PTPRN2: variants seen among roughly 807,000 people sequenced by gnomAD.
PTPRN2 encodes protein tyrosine phosphatase receptor type N2.
A neutral mutation model predicts 118.8 loss-of-function variants in PTPRN2; 74 were observed. The ratio of observed to expected loss-of-function variants is 0.62; its 90% CI spans 0.52 to 0.76. The LOEUF (loss-of-function observed/expected upper bound fraction) is 0.76, where lower values mean the gene tolerates loss of function less well. Ranked by LOEUF, PTPRN2 falls within the 30% of genes least tolerant of loss-of-function variation. The pLI is 0.00. For missense variants in PTPRN2, 1,481 were observed against 1,394.4 expected, an observed-to-expected ratio of 1.06 and a Z score of -0.99; for synonymous variants, 641 against 608.0, an observed-to-expected ratio of 1.05 and a Z score of -0.80.
At chr7:157,963,054 C>T (rs28453947) in intron 11 of PTPRN2, among the ~76,000 whole-genome samples, 1,743 of 152,302 alleles carry the variant, frequency 0.011, 29 homozygotes, top group African/African-American at 0.036. Flanking sequence ...AGAAGCAAGT[C>T]CACACGGCAG....
intron 3 of PTPRN2, among the ~76,000 whole-genome samples, chr7:158,212,464 T>G (rs1827668199): frequency 6.6e-6 from 1 of 152,176 alleles, no homozygotes; most frequent in African/African-American, 2.4e-5. Flanking sequence ...TTATTATGCA[T>G]TGTATGCCTG....
intron 12 of PTPRN2, among the ~76,000 whole-genome samples, chr7:157,776,124 C>G (rs180905075): frequency 6.9e-6 from 1 of 145,832 alleles, no homozygotes; most frequent in Non-Finnish European, 1.5e-5. Context: ...CCTTTTTCAC[C>G]TCCTCCCTCT....
At chr7:157,940,876 A>T (rs1298627326) in intron 11 of PTPRN2, among the ~76,000 whole-genome samples, 1 of 47,170 alleles carries the variant, frequency 2.1e-5, no homozygotes, top group Non-Finnish European at 3.2e-5. Context: ...TGCAAATCTA[A>T]CGCCCCCCCA....
intron 12 of PTPRN2, among the ~76,000 whole-genome samples, chr7:157,866,612 A>G (rs757797630): frequency 6.6e-6 from 1 of 152,002 alleles, no homozygotes; most frequent in African/African-American, 2.4e-5. Context: ...GCTGGTGTGC[A>G]TTCTCCCAGG....
intron 1 of PTPRN2, among the ~76,000 whole-genome samples, chr7:158,491,386 G>A (rs985733248): frequency 2.6e-5 from 4 of 152,204 alleles, no homozygotes; most frequent in South Asian, 2.1e-4. Context: ...AGTCACAGGC[G>A]GGTGGACACC....
chr7:158,055,516 C>T (rs1809718766), intron 11 of PTPRN2, among the ~76,000 whole-genome samples: 1 of 152,230 alleles, frequency 6.6e-6, no homozygotes, highest in Non-Finnish European at 1.5e-5. Context: ...AACCGTCTCC[C>T]TGTGATGCTG....
rs927623299 is a variant in PTPRN2 at position 158,438,790 on chromosome 7, C to T, written c.163+50945G>A. On this transcript the variant is annotated intron_variant, in intron 2 of 22. Coordinates refer to ENST00000389418, the MANE Select transcript of PTPRN2 (RefSeq NM_002847.5). This position sits in a 1 kb window ranked among gnomAD's most constrained non-coding sequence, Gnocchi z 4.7. ...ACACTCTGACCAGGGGTCAGCAAAC[C>T]AGAGCCCCGGGACCTACCCCACCTG... Among the ~76,000 whole-genome samples, 2 of 152,156 alleles carry T rather than the reference C, an allele frequency of 1.3e-5. No individual in the cohort carries two copies. Among genetic ancestry groups the T allele is most frequent in the Non-Finnish European group, 2.9e-5 (2 of 68,020 alleles).
chr7:158,147,766 C>T (rs1820312498), intron 6 of PTPRN2, among the ~76,000 whole-genome samples: 3 of 121,040 alleles, frequency 2.5e-5, no homozygotes, highest in Non-Finnish European at 5.0e-5. Context: ...CACCCCACCT[C>T]ACGCCACGTG....
intron 12 of PTPRN2, among the ~76,000 whole-genome samples, chr7:157,685,197 C>A (rs904725279): frequency 5.1e-4 from 77 of 151,892 alleles, no homozygotes; most frequent in African/African-American, 1.8e-3. Flanking sequence ...CACCCCTCAT[C>A]CCGGCCGGGC....
chr7:158,131,838 A>AACAC (rs140758625), intron 9 of PTPRN2, among the ~76,000 whole-genome samples: 1,710 of 147,858 alleles, frequency 0.012, 31 homozygotes, highest in African/African-American at 0.033. Flanking sequence ...ACATCTACCC[A>AACAC]ACACACACAC....
At chr7:158,558,923 T>C in intron 1 of PTPRN2, among the ~76,000 whole-genome samples, 1 of 152,082 alleles carries the variant, frequency 6.6e-6, no homozygotes, top group East Asian at 1.9e-4. Flanking sequence ...CAGGGGTTAA[T>C]TATGACTGTA....
chr7:158,245,694 C>T (rs1796201801), intron 3 of PTPRN2, among the ~76,000 whole-genome samples: 1 of 152,138 alleles, frequency 6.6e-6, no homozygotes, highest in Admixed American at 6.5e-5. Flanking sequence ...GCCTTCTAGG[C>T]CCCTCTGGCA....
chr7:157,599,871 G>C (rs1010801239), intron 16 of PTPRN2, among the ~76,000 whole-genome samples: 2 of 149,604 alleles, frequency 1.3e-5, no homozygotes, highest in African/African-American at 4.9e-5. Flanking sequence ...CTCTCCACCT[G>C]CCCACCTCTC....
At chr7:157,777,214 C>G (rs1455176756) in intron 12 of PTPRN2, among the ~76,000 whole-genome samples, 3 of 152,182 alleles carry the variant, frequency 2.0e-5, no homozygotes, top group Non-Finnish European at 2.9e-5. Context: ...CACATTCAAA[C>G]AGATCCACAA....
At chr7:158,415,100 GAT>G (rs1195858945) in intron 2 of PTPRN2, among the ~76,000 whole-genome samples, 185 of 150,612 alleles carry the variant, frequency 1.2e-3, no homozygotes, top group Non-Finnish European at 1.1e-3. Flanking sequence ...CTTCTCTGAT[GAT>G]ACAACCAGCT....
chr7:158,054,058 T>TGCAGAGAC, intron 11 of PTPRN2, among the ~76,000 whole-genome samples: 1 of 111,224 alleles, frequency 9.0e-6, no homozygotes, highest in African/African-American at 3.5e-5. Context: ...GATGCAGAGA[T>TGCAGAGAC]CCTAGAGATG....
At chr7:158,558,366 G>T (rs1827181419) in intron 1 of PTPRN2, among the ~76,000 whole-genome samples, 1 of 152,188 alleles carries the variant, frequency 6.6e-6, no homozygotes, top group Admixed American at 6.5e-5. Flanking sequence ...TGTATTGTTG[G>T]ATTGTCTCTA....
At position 158,203,220 on chromosome 7, in the gene PTPRN2, A is replaced by G. The variant is rs547072110; in HGVS notation, c.380+1951T>C. On this transcript the variant is annotated intron_variant, in intron 4 of 22. Coordinates refer to ENST00000389418, the MANE Select transcript of PTPRN2 (RefSeq NM_002847.5). The stretch of plus-strand genomic sequence containing the variant: ...GCACTCCGGCCTAGGTGATGAAGCA[A>G]GAGCCAAAAAAAAAAAAAAAAAAAA... Among the ~76,000 whole-genome samples, 46 of 128,378 alleles carry G rather than the reference A, an allele frequency of 3.6e-4. No individual in the cohort carries two copies. In the South Asian group the frequency reaches 0.013, roughly 36 times the overall value. 84.2% of individuals were successfully genotyped at this position (128,378 alleles called of 152,430 possible). A position where few individuals can be genotyped will look rare whatever the true frequency, so the allele number is the denominator to read the frequency against.
chr7:157,649,689 G>T (rs62476820), intron 14 of PTPRN2, among the ~76,000 whole-genome samples: 10,262 of 75,986 alleles, frequency 0.14, 1,231 homozygotes, highest in Admixed American at 0.21. Context: ...CGGTGGGTCG[G>T]ACCCATTCAC....
Sources: gnomAD v4.1 joint callset for allele counts (sites outside exome capture counted in the v4.1 genomes callset) on GRCh38, gnomAD v4.1.1 for gene constraint, Gnocchi (gnomAD v3.1) non-coding constraint, MANE v1.5 for transcripts, NCBI Gene and HGNC (gene_info 2026-07-23, HGNC 2026-07-21) for gene names.